The following ARHGAP17 variants were observed in gnomAD, a reference collection of about 807,000 sequenced individuals.
ARHGAP17 encodes Rho GTPase activating protein 17, also known as rho GTPase-activating protein 17.
A neutral mutation model predicts 99.5 loss-of-function variants in ARHGAP17; 57 were observed. The ratio of observed to expected loss-of-function variants is 0.57; its 90% CI spans 0.46 to 0.71. ARHGAP17 has a LOEUF of 0.71. ARHGAP17 is among the 30% of genes least tolerant of loss of function. The pLI is 0.00. For synonymous variants in ARHGAP17, 417 were observed against 429.6 expected, an observed-to-expected ratio of 0.97 and a Z score of 0.36; for missense variants, 1,000 against 1,122.4, an observed-to-expected ratio of 0.89 and a Z score of 1.56.
At chr16:24,943,485 T>C (rs1057391298) in intron 15 of ARHGAP17, among the ~76,000 whole-genome samples, 44 of 152,110 alleles carry the variant, frequency 2.9e-4, no homozygotes, top group South Asian at 1.9e-3. Context: ...GTGGCCGGAG[T>C]TCCCCCAGGT....
intron 1 of ARHGAP17, among the ~76,000 whole-genome samples, chr16:25,003,941 C>T (rs1360896505): frequency 6.6e-6 from 1 of 152,118 alleles, no homozygotes; most frequent in Non-Finnish European, 1.5e-5. Context: ...ATAGCAATCA[C>T]TACCCAAGTG....
intron 1 of ARHGAP17, among the ~76,000 whole-genome samples, chr16:24,988,494 T>C (rs905699643): frequency 6.6e-6 from 1 of 152,210 alleles, no homozygotes; most frequent in African/African-American, 2.4e-5. Context: ...ATTTTGCCCA[T>C]GTATTTACAG....
At chr16:25,010,181 T>G (rs1050994156) in intron 1 of ARHGAP17, among the ~76,000 whole-genome samples, 1 of 151,900 alleles carries the variant, frequency 6.6e-6, no homozygotes, top group Non-Finnish European at 1.5e-5. Flanking sequence ...GCTCAGTTGA[T>G]CCTCCCACCT....
At chr16:25,008,877 C>T (rs1406913832) in intron 1 of ARHGAP17, among the ~76,000 whole-genome samples, 1 of 152,134 alleles carries the variant, frequency 6.6e-6, no homozygotes, top group African/African-American at 2.4e-5. Flanking sequence ...TTTCACTCAA[C>T]TATAAATACT....
chr16:25,000,967 GA>G (rs1297128113), intron 1 of ARHGAP17, among the ~76,000 whole-genome samples: 2 of 152,144 alleles, frequency 1.3e-5, no homozygotes, highest in Non-Finnish European at 2.9e-5. Context: ...CTTCCATTGG[GA>G]ACAATTCATA....
At chr16:24,950,459 C>T (rs1044549514) in intron 12 of ARHGAP17, among the ~76,000 whole-genome samples, 1 of 152,138 alleles carries the variant, frequency 6.6e-6, no homozygotes, top group Admixed American at 6.6e-5. Context: ...TCCAAGGATA[C>T]GTGATGACTA....
At chr16:24,959,619 C>A in intron 9 of ARHGAP17, 52 bp downstream of exon 9, 3 of 1,567,804 alleles carry the variant, frequency 1.9e-6, no homozygotes, top group South Asian at 1.1e-5. Flanking sequence ...AGAACCCAGG[C>A]AGAGGTGGCA....
Position 24,919,866 on chromosome 16 carries a change from G to T in ARHGAP17, c.*264C>A. On this transcript the variant is annotated 3_prime_UTR_variant, in exon 20 of 20. Transcript: ENST00000289968. Reference sequence around the variant, plus strand: ...CAGCAGGAATACTCTCTCCACTCCAGGTACTTCTTTGTTTTGGATTTTTTT... The same window carrying T: ...CAGCAGGAATACTCTCTCCACTCCATGTACTTCTTTGTTTTGGATTTTTTT... The T allele has an allele frequency of 2.8e-6, 1 of 356,614 alleles. No homozygotes were observed. Among genetic ancestry groups the T allele is most frequent in the South Asian group, 5.1e-5 (1 of 19,422 alleles). The allele number at this position is 356,614 out of a possible 1,614,324, so 22.1% of individuals were successfully genotyped here.
chr16:25,006,463 A>AG (rs2053510363), intron 1 of ARHGAP17, among the ~76,000 whole-genome samples: 1 of 151,890 alleles, frequency 6.6e-6, no homozygotes, highest in African/African-American at 2.4e-5. Flanking sequence ...AAAAAAAAAA[A>AG]AAAGAAAAAG....
chr16:24,935,423 G>C, intron 18 of ARHGAP17, 47 bp downstream of exon 18: 1 of 1,540,776 alleles, frequency 6.5e-7, no homozygotes. Context: ...AACTTAAGGA[G>C]GTCTGCACAG....
intron 19 of ARHGAP17, among the ~76,000 whole-genome samples, chr16:24,929,352 C>T (rs983346908): frequency 7.2e-5 from 11 of 152,140 alleles, no homozygotes; most frequent in African/African-American, 2.2e-4. Context: ...AGATACTCTT[C>T]AAGAGCAGCT....
At chr16:24,929,038 T>G (rs2050912746) in intron 19 of ARHGAP17, among the ~76,000 whole-genome samples, 1 of 152,218 alleles carries the variant, frequency 6.6e-6, no homozygotes, top group Admixed American at 6.5e-5. Flanking sequence ...CCTCCCGTGC[T>G]GACTGCACCT....
At chr16:24,970,469 T>C (rs925206417) in intron 4 of ARHGAP17, 38 bp downstream of exon 4, 2 of 1,596,474 alleles carry the variant, frequency 1.3e-6, no homozygotes, top group Admixed American at 1.7e-5. Context: ...TCCACCAATC[T>C]ACATGGCACT....
chr16:24,922,225 G>C (rs1241898188), intron 19 of ARHGAP17, among the ~76,000 whole-genome samples: 1 of 152,230 alleles, frequency 6.6e-6, no homozygotes, highest in African/African-American at 2.4e-5. Context: ...TCAGCCCAGA[G>C]TTTACCAGAA....
intron 9 of ARHGAP17, chr16:24,956,997 A>C (rs1229814221): frequency 6.6e-6 from 1 of 152,228 alleles, no homozygotes; most frequent in African/African-American, 2.4e-5. Flanking sequence ...AGGGGCAATC[A>C]GCTGAGAAAA....
chr16:25,015,213 C>T lies in ARHGAP17; in HGVS notation c.49G>A (p.Gly17Ser). 1 of 1,342,000 alleles carries T rather than the reference C, an allele frequency of 7.5e-7. No homozygotes were observed. The highest frequency in any genetic ancestry group is 9.6e-7 in the Non-Finnish European group (1 of 1,037,606). The allele number at this position is 1,342,000 out of a possible 1,614,324, so 83.1% of individuals were successfully genotyped here. ...RMKQLANQTV[G>S]RAEKTEVLSE... is the part of the protein sequence containing the mutation. ...CGTGCTGCCCGGCGCACTCGCCTGC[C>T]CACGGTCTGGTTAGCCAGCTGCTTC... Residue 17 changes from glycine to serine, a missense_variant, in exon 1 of 20, where the codon GGC becomes AGC. Around this residue, in one of 2 missense-constraint regions of ARHGAP17, gnomAD observed 472 missense variants for 611.1 expected, o/e 0.77. Coordinates refer to ENST00000289968, the MANE Select transcript of ARHGAP17 (RefSeq NM_001006634.3).
chr16:24,979,976 G>T (rs1307937150), intron 1 of ARHGAP17, among the ~76,000 whole-genome samples: 1 of 152,194 alleles, frequency 6.6e-6, no homozygotes, highest in East Asian at 1.9e-4. Flanking sequence ...CTCCCAAAGT[G>T]CTGGGATTAC....
chr16:24,976,466 C>T (rs942222545), intron 3 of ARHGAP17, among the ~76,000 whole-genome samples: 1 of 151,960 alleles, frequency 6.6e-6, no homozygotes, highest in Non-Finnish European at 1.5e-5. Context: ...GAGTTTGAGG[C>T]TGCAGTGAGC....
chr16:24,927,582 A>G (rs2050874298), intron 19 of ARHGAP17: 2 of 407,124 alleles, frequency 4.9e-6, no homozygotes, highest in Admixed American at 4.2e-5. Context: ...TAGGGATGCA[A>G]GCAGGCAGGG....
Sources: gnomAD v4.1 joint callset for allele counts (sites outside exome capture counted in the v4.1 genomes callset) on GRCh38, gnomAD v4.1.1 for gene constraint, gnomAD v4.1.1 regional missense constraint, MANE v1.5 for transcripts, NCBI Gene and HGNC (gene_info 2026-07-23, HGNC 2026-07-21) for gene names.